Variants in SHISA9 observed in about 807,000 individuals in gnomAD.
The protein encoded by SHISA9 is shisa family member 9.
SHISA9 carries 13 observed loss-of-function variants against 38.0 expected under a neutral mutation model. The ratio of observed to expected loss-of-function variants is 0.34; its 90% CI spans 0.22 to 0.54. The LOEUF (loss-of-function observed/expected upper bound fraction) is 0.54. Among genes scored for constraint, SHISA9 ranks in the 20% least tolerant of loss-of-function variants. The probability of loss-of-function intolerance (pLI) is 0.91; values close to 1 mark genes in which losing one functional copy is unlikely to be tolerated. For synonymous variants in SHISA9, 275 were observed against 242.0 expected, an observed-to-expected ratio of 1.14 and a Z score of -1.27; for missense variants, 538 against 575.8, an observed-to-expected ratio of 0.93 and a Z score of 0.67.
At chr16:13,148,632 A>AC (rs2050469336) in intron 2 of SHISA9, among the ~76,000 whole-genome samples, 2 of 151,736 alleles carry the variant, frequency 1.3e-5, no homozygotes, top group Non-Finnish European at 2.9e-5. Context: ...TCATAGACAC[A>AC]CACATTCTCA....
At chr16:13,000,117 A>T (rs1204895192) in intron 2 of SHISA9, among the ~76,000 whole-genome samples, 1 of 152,102 alleles carries the variant, frequency 6.6e-6, no homozygotes, top group Non-Finnish European at 1.5e-5. Flanking sequence ...TCTATGAATT[A>T]GGGACACTTA....
intron 2 of SHISA9, among the ~76,000 whole-genome samples, chr16:13,128,274 C>T (rs2050278267): frequency 6.6e-6 from 1 of 152,146 alleles, no homozygotes; most frequent in Non-Finnish European, 1.5e-5. Flanking sequence ...ATTCTTAGTG[C>T]CAGGTGTTCT....
intron 2 of SHISA9, among the ~76,000 whole-genome samples, chr16:13,195,258 GA>G (rs2142044854): frequency 6.6e-6 from 1 of 152,252 alleles, no homozygotes; most frequent in Non-Finnish European, 1.5e-5. Flanking sequence ...TGTATTGCCA[GA>G]AAGTTAGAAA....
intron 2 of SHISA9, among the ~76,000 whole-genome samples, chr16:13,081,007 C>T (rs1483584892): frequency 2.0e-5 from 3 of 152,144 alleles, no homozygotes; most frequent in African/African-American, 7.2e-5. Context: ...AGGGCTCCAC[C>T]CTCATTACCT....
chr16:13,405,082 T>C, the SHISA9 span, among the ~76,000 whole-genome samples: 1 of 152,224 alleles, frequency 6.6e-6, no homozygotes. Flanking sequence ...AAGACACACA[T>C]TGGGCAAAGG....
chr16:13,455,509 A>G, the SHISA9 span, among the ~76,000 whole-genome samples: 3 of 152,214 alleles, frequency 2.0e-5, no homozygotes, highest in Non-Finnish European at 4.4e-5. Flanking sequence ...GAAGAGAGTA[A>G]AAGTGCTCAT....
In SHISA9 at chr16:13,213,311, G is replaced by A; in HGVS notation, c.895+11G>A. 1 of 1,551,096 alleles carries A rather than the reference G, an allele frequency of 6.4e-7. No homozygotes were observed. Among genetic ancestry groups the A allele is most frequent in the Admixed American group, 2.0e-5 (1 of 50,982 alleles). On this transcript the variant is annotated intron_variant, in intron 4 of 4. Coordinates refer to ENST00000558583, the MANE Select transcript of SHISA9 (RefSeq NM_001145204.3). ...TTAAGTCACCAAAAGGTACTGTACA[G>A]CTTTTTCTAGCTCTTTTGTCCAGGT...
intron 2 of SHISA9, among the ~76,000 whole-genome samples, chr16:13,051,283 G>C (rs1260441470): frequency 3.3e-5 from 5 of 152,166 alleles, no homozygotes; most frequent in Non-Finnish European, 7.3e-5. Context: ...ATGTGCAGGG[G>C]AACTCCCATT....
At chr16:13,538,332 G>A in the SHISA9 span, among the ~76,000 whole-genome samples, 154 of 152,124 alleles carry the variant, frequency 1.0e-3, no homozygotes, top group Non-Finnish European at 1.4e-3. Flanking sequence ...CTCCTTTCTC[G>A]GGCTTTTATA....
chr16:13,077,174 G>C (rs2073592176), intron 2 of SHISA9, among the ~76,000 whole-genome samples: 1 of 152,064 alleles, frequency 6.6e-6, no homozygotes, highest in Non-Finnish European at 1.5e-5. Flanking sequence ...TCTGATCTCA[G>C]ATTTGCACAG....
In SHISA9 at chr16:13,173,377, TACACAC is replaced by T. The variant is rs34832916; in HGVS notation, c.692-29989_692-29984del. Reference sequence around the variant, plus strand: ...TGGAAATGGCATGTATGTGTGCATGTACACACACACACACACACACACACACACACA... The same window carrying T: ...TGGAAATGGCATGTATGTGTGCATGTACACACACACACACACACACACACA... On this transcript the variant is annotated intron_variant, in intron 2 of 4. Coordinates refer to ENST00000558583, the MANE Select transcript of SHISA9 (RefSeq NM_001145204.3). Among the ~76,000 whole-genome samples, 955 of 142,938 alleles carry T rather than the reference TACACAC, an allele frequency of 6.7e-3. 13 individuals are homozygous for T. The highest frequency in any genetic ancestry group is 0.022 in the African/African-American group (837 of 38,716). The allele number at this position is 142,938 out of a possible 152,430, so 93.8% of individuals were successfully genotyped here.
At chr16:13,318,379 A>G in the SHISA9 span, among the ~76,000 whole-genome samples, 4 of 151,884 alleles carry the variant, frequency 2.6e-5, no homozygotes, top group African/African-American at 9.7e-5. Flanking sequence ...CTGGAGTGCA[A>G]TGGCACGATC....
chr16:13,391,514 C>T, the SHISA9 span, among the ~76,000 whole-genome samples: 1 of 152,292 alleles, frequency 6.6e-6, no homozygotes, highest in Non-Finnish European at 1.5e-5. Context: ...TATGCCGTGC[C>T]ATCTGCAGTC....
In SHISA9 at chr16:12,967,712, C is replaced by T. The variant is rs552428540; in HGVS notation, c.691+50897C>T. Among the ~76,000 whole-genome samples, 3 of 151,658 alleles carry T rather than the reference C, an allele frequency of 2.0e-5. 1 individual carries two copies. Among genetic ancestry groups the T allele is most frequent in the East Asian group, 3.9e-4 (2 of 5,170 alleles). On this transcript the variant is annotated intron_variant, in intron 2 of 4. Coordinates refer to ENST00000558583, the MANE Select transcript of SHISA9 (RefSeq NM_001145204.3). ...TCTGGAGATTGAAGATGCCTATGAG[C>T]TCCAAAGCATCGATTCCTCTCCTAA... is the stretch of plus-strand genomic sequence containing the variant.
chr16:13,419,612 T>C, the SHISA9 span, among the ~76,000 whole-genome samples: 2 of 152,050 alleles, frequency 1.3e-5, no homozygotes, highest in African/African-American at 4.8e-5. Context: ...GTAGAGGAGG[T>C]AATTTAGAGT....
At chr16:12,957,215 C>T (rs1006966616) in intron 2 of SHISA9, among the ~76,000 whole-genome samples, 1 of 152,170 alleles carries the variant, frequency 6.6e-6, no homozygotes. Context: ...GTCTTTCAAA[C>T]TTCTTTTAGC....
the SHISA9 span, among the ~76,000 whole-genome samples, chr16:13,274,162 G>C: frequency 6.6e-6 from 1 of 152,144 alleles, no homozygotes; most frequent in South Asian, 2.1e-4. Flanking sequence ...AAAAATATGT[G>C]TTTCTGTCCA....
chr16:13,495,707 A>C, the SHISA9 span, among the ~76,000 whole-genome samples: 1 of 152,014 alleles, frequency 6.6e-6, no homozygotes, highest in Non-Finnish European at 1.5e-5. Context: ...TAATATTATA[A>C]AAGAGAATTG....
At chr16:13,077,990 C>T (rs1010150444) in intron 2 of SHISA9, among the ~76,000 whole-genome samples, 1 of 152,128 alleles carries the variant, frequency 6.6e-6, no homozygotes, top group Non-Finnish European at 1.5e-5. Flanking sequence ...AACAGAAGCT[C>T]AAGCAATAGA....
Sources: allele counts gnomAD v4.1 joint callset (sites outside exome capture counted in the v4.1 genomes callset), GRCh38; gene constraint gnomAD v4.1.1; transcripts MANE v1.5; gene names NCBI Gene and HGNC (gene_info 2026-07-23, HGNC 2026-07-21).